LDLRAD2: variants seen among roughly 807,000 people sequenced by gnomAD.
LDLRAD2 encodes the protein low density lipoprotein receptor class A domain containing 2, also known as low-density lipoprotein receptor class A domain-containing protein 2.
A neutral mutation model predicts 24.9 loss-of-function variants in LDLRAD2; 25 were observed. The observed-to-expected ratio is 1.00, with a 90% CI of 0.73 to 1.40. The LOEUF is 1.40. Among genes scored for constraint, LDLRAD2 ranks in the 40% most tolerant of loss-of-function variants. The pLI is 0.00. For missense variants in LDLRAD2, 391 were observed against 366.2 expected (o/e 1.07, Z -0.55); for synonymous variants, 182 against 166.7 (o/e 1.09, Z -0.71).
At position 21,823,919 on chromosome 1, in the gene LDLRAD2, C is replaced by CA; in HGVS notation, c.*1705dup. On this transcript the variant is annotated 3_prime_UTR_variant, in exon 5 of 5. Transcript: ENST00000344642. Reference sequence around the variant, plus strand: ...TCATTTCTGCACCCAGGTTTCCTCCCACTCCTGGGGCACTCGCCTGCCCCC... The same window carrying CA: ...TCATTTCTGCACCCAGGTTTCCTCCCAACTCCTGGGGCACTCGCCTGCCCCC... 2.7e-6 allele frequency: 2 copies of CA among 728,476 alleles called. No homozygotes were observed. The highest frequency in any genetic ancestry group is 3.3e-5 in the South Asian group (2 of 61,318). The allele number at this position is 728,476 out of a possible 1,614,324, so 45.1% of individuals were successfully genotyped here.
Position 21,822,323 on chromosome 1 carries a change from C to T in LDLRAD2, c.*108C>T, listed in dbSNP as rs1015262929. The T allele has an allele frequency of 9.7e-6, 11 of 1,134,780 alleles. No homozygotes were observed. The highest frequency in any genetic ancestry group is 8.9e-5 in the South Asian group (7 of 78,780). The allele number at this position is 1,134,780 out of a possible 1,614,324, so 70.3% of individuals were successfully genotyped here. On this transcript the variant is annotated 3_prime_UTR_variant, in exon 5 of 5. Coordinates refer to ENST00000344642, the MANE Select transcript of LDLRAD2 (RefSeq NM_001013693.3). The stretch of plus-strand genomic sequence containing the variant: ...TCCCTTCTAGGACACAGAGGCCAGG[C>T]GTCCCAACCCCACAGTCTGGGGGCC...
chr1:21,824,825 CA>C lies in LDLRAD2; in HGVS notation c.*2614del. On this transcript the variant is annotated 3_prime_UTR_variant, in exon 5 of 5. Transcript: ENST00000344642. The surrounding 1 kb of genome is among the most constrained non-coding windows in gnomAD (Gnocchi z 5.9). ...GTGCCATACCTGCTGCATCAGGCATCAAAATCCCCCGTCAGTTCCCCTGACC... is the reference window on the plus strand; with the variant it reads ...GTGCCATACCTGCTGCATCAGGCATCAAATCCCCCGTCAGTTCCCCTGACC... 6.5e-7 allele frequency: 1 copy of C among 1,539,234 alleles called. No individual in the cohort carries two copies. Among genetic ancestry groups the C allele is most frequent in the Non-Finnish European group, 8.9e-7 (1 of 1,125,104 alleles).
intron 3 of LDLRAD2, 66 bp from the exon 4 acceptor site, chr1:21,821,384 A>G (rs1572116061): frequency 6.3e-7 from 1 of 1,593,662 alleles, no homozygotes; most frequent in East Asian, 2.2e-5. Context: ...TGAGGATTGA[A>G]TGAAACACAC....
intron 4 of LDLRAD2, 153 bp downstream of exon 4, chr1:21,821,764 C>CCTGGCCTCTG: frequency 1.4e-6 from 2 of 1,460,024 alleles, no homozygotes; most frequent in Non-Finnish European, 9.0e-7. Flanking sequence ...CCTCGATGCT[C>CCTGGCCTCTG]CTGGCCTCTG....
chr1:21,817,177 C>A (rs529092069), intron 3 of LDLRAD2, among the ~76,000 whole-genome samples: 3 of 152,304 alleles, frequency 2.0e-5, no homozygotes, highest in African/African-American at 7.2e-5. Context: ...TGACCCTTCT[C>A]ACACCTGCTC....
rs1291687013 is a variant in LDLRAD2 at position 21,822,651 on chromosome 1, C to G, written c.*436C>G. On this transcript the variant is annotated 3_prime_UTR_variant, in exon 5 of 5. Coordinates refer to ENST00000344642, the MANE Select transcript of LDLRAD2 (RefSeq NM_001013693.3). ...AGTTGGGGTGGGCCTTCCCTTACAG[C>G]CCCTGAGGGAGGGACCCCAGGCTGT... 5.4e-6 allele frequency: 1 copy of G among 185,994 alleles called. No individual in the cohort carries two copies. Among genetic ancestry groups the G allele is most frequent in the East Asian group, 1.4e-4 (1 of 6,936 alleles). The allele number at this position is 185,994 out of a possible 1,614,324, so 11.5% of individuals were successfully genotyped here.
At position 21,814,586 on chromosome 1, in the gene LDLRAD2, G is replaced by A; in HGVS notation, c.274G>A (p.Ala92Thr). The A allele has an allele frequency of 6.2e-7, 1 of 1,611,578 alleles. No homozygotes were observed. Among genetic ancestry groups the A allele is most frequent in the Non-Finnish European group, 8.5e-7 (1 of 1,179,220 alleles). The change falls in exon 2 of 5, where the codon GCG becomes ACG. Residue 92 changes from alanine to threonine, a missense_variant. Physicochemically the swap from Ala to Thr is moderately conservative, Grantham distance 58 (BLOSUM62 0). Coordinates refer to ENST00000344642, the MANE Select transcript of LDLRAD2 (RefSeq NM_001013693.3). ...CTTCCTGGTCTACAGCCTGACCCCC[G>A]CGCCCCCGGCGCTCAACACCTCCTC... ...RFFLVYSLTPAPPALNTSSPA... is the reference protein window; with the variant it reads ...RFFLVYSLTPTPPALNTSSPA...
chr1:21,823,842 CTCTT>C lies in LDLRAD2; in HGVS notation c.*1634_*1637del, dbSNP rs2097959578. ...CAGAAGTCTGTCCCTGTTTCCCAAG[CTCTT>C]TCTTTCCCCCGCTGAACGAGAGATC... On this transcript the variant is annotated 3_prime_UTR_variant, in exon 5 of 5. Coordinates refer to ENST00000344642, the MANE Select transcript of LDLRAD2 (RefSeq NM_001013693.3). 7.4e-6 allele frequency: 6 copies of C among 815,370 alleles called. No individual in the cohort carries two copies. The highest frequency in any genetic ancestry group is 4.0e-5 in the Admixed American group (2 of 50,098). The allele number at this position is 815,370 out of a possible 1,614,324, so 50.5% of individuals were successfully genotyped here.
chr1:21,822,392 A>T lies in LDLRAD2; in HGVS notation c.*177A>T. On this transcript the variant is annotated 3_prime_UTR_variant, in exon 5 of 5. Coordinates refer to ENST00000344642, the MANE Select transcript of LDLRAD2 (RefSeq NM_001013693.3). ...GAGCTGGATCTTCAGGCTCCTGCAG[A>T]TGGGGCAGGGTGGTCATATCCCCCT... 3.0e-6 allele frequency: 2 copies of T among 657,662 alleles called. No homozygotes were observed. Among genetic ancestry groups the T allele is most frequent in the Non-Finnish European group, 5.4e-6 (2 of 369,510 alleles). 40.7% of individuals were successfully genotyped at this position (657,662 alleles called of 1,614,324 possible).
At chr1:21,815,844 C>G in intron 2 of LDLRAD2, 99 bp from the exon 3 acceptor site, 4 of 1,466,232 alleles carry the variant, frequency 2.7e-6, no homozygotes, top group Non-Finnish European at 2.8e-6. Flanking sequence ...CAGCTCTCTC[C>G]TGCCCACACC....
rs2097951948 is a variant in LDLRAD2, at chr1:21,821,566, T to A, written c.760T>A (p.Ser254Thr). The A allele has an allele frequency of 6.2e-7, 1 of 1,614,020 alleles. No individual in the cohort carries two copies. Among genetic ancestry groups the A allele is most frequent in the Non-Finnish European group, 8.5e-7 (1 of 1,180,012 alleles). Residue 254 changes from serine to threonine, a missense_variant, in exon 4 of 5, where the codon TCC becomes ACC. Ser to Thr is a moderately conservative substitution (Grantham distance 58). Transcript: ENST00000344642. ...CCTCTGGATTGCAGCTGAGAGGAGT[T>A]CCCCAGCAGGCAGGGACCCCACGAG... Reference protein sequence around the residue: ...GSLWIAAERSSPAGRDPTRQD... With the variant: ...GSLWIAAERSTPAGRDPTRQD...
rs759726352 is a variant in LDLRAD2, at chr1:21,815,959, C to T, written c.528C>T (p.Tyr176=). 5.0e-6 allele frequency: 8 copies of T among 1,614,056 alleles called. No individual in the cohort carries two copies. The highest frequency in any genetic ancestry group is 2.2e-5 in the East Asian group (1 of 44,884). Residue 176 remains tyrosine (Y), a synonymous_variant, in exon 3 of 5, where the codon TAC becomes TAT. Transcript: ENST00000344642. ...TGGCCTCAGGACCTTGTGGTGCCTA[C>T]TTCCGCTGCCAGAATGGCAGGTGCA... ...TSFRLGPCGA[Y]FRCQNGRCIP...
chr1:21,821,363 G>A, intron 3 of LDLRAD2, 87 bp from the exon 4 acceptor site: 1 of 1,534,060 alleles, frequency 6.5e-7, no homozygotes, highest in Non-Finnish European at 8.9e-7. Context: ...GACAAACTCA[G>A]GGAAGTCTTG....
At chr1:21,822,066 C>T in intron 4 of LDLRAD2, 136 bp from the exon 5 acceptor site, 2 of 1,541,158 alleles carry the variant, frequency 1.3e-6, no homozygotes, top group South Asian at 1.2e-5. Context: ...CCCCCTAACC[C>T]TCTGAGACTC....
intron 1 of LDLRAD2, among the ~76,000 whole-genome samples, chr1:21,813,467 G>T (rs893018869): frequency 1.3e-5 from 2 of 152,056 alleles, no homozygotes; most frequent in Admixed American, 6.6e-5. Context: ...CCACATCCTG[G>T]CTGGTCCTCA....
Position 21,823,258 on chromosome 1 carries a change from T to C in LDLRAD2, c.*1043T>C. 7.4e-7 allele frequency: 1 copy of C among 1,351,136 alleles called. No individual in the cohort carries two copies. Among genetic ancestry groups the C allele is most frequent in the Non-Finnish European group, 9.8e-7 (1 of 1,016,712 alleles). The allele number at this position is 1,351,136 out of a possible 1,614,324, so 83.7% of individuals were successfully genotyped here. ...ATTCATAATAATATTAATAATAATA[T>C]ACTCGACATTGTCGGGCTGGGGCGT... On this transcript the variant is annotated 3_prime_UTR_variant, in exon 5 of 5. Coordinates refer to ENST00000344642, the MANE Select transcript of LDLRAD2 (RefSeq NM_001013693.3).
intron 4 of LDLRAD2, 171 bp downstream of exon 4, chr1:21,821,782 C>G (rs559233499): frequency 2.4e-5 from 34 of 1,439,496 alleles, no homozygotes; most frequent in Non-Finnish European, 3.0e-5. Context: ...CTGCTGGCCT[C>G]CTCCTGGGCC....
rs781620187 is a variant in LDLRAD2 at position 21,814,703 on chromosome 1, T to G, written c.391T>G (p.Cys131Gly). The G allele has an allele frequency of 7.7e-6, 12 of 1,567,286 alleles. No individual in the cohort carries two copies. The highest frequency in any genetic ancestry group is 1.9e-5 in the Admixed American group (1 of 52,400). ...GAPRPLGSPL[C>G]GLNIPVPVAS... ...GCCCCGGCCCCTGGGGTCCCCACTG[T>G]GCGGCCTGAACATCCCGGTGCCTGT... The change falls in exon 2 of 5, where the codon TGC becomes GGC. Residue 131 changes from cysteine (C) to glycine (G), a missense_variant. By Grantham distance (159) the Cys-to-Gly change is radical. Transcript: ENST00000344642.
Position 21,823,404 on chromosome 1 carries a change from G to C in LDLRAD2, c.*1189G>C. 1.3e-6 allele frequency: 2 copies of C among 1,573,930 alleles called. No individual in the cohort carries two copies. The highest frequency in any genetic ancestry group is 1.7e-6 in the Non-Finnish European group (2 of 1,164,746). ...TGGGGGCGGGGCGCCGGGTCGGGCC[G>C]AGTGCAGCACCAGGTTCTTGACACA... On this transcript the variant is annotated 3_prime_UTR_variant, in exon 5 of 5. Coordinates refer to ENST00000344642, the MANE Select transcript of LDLRAD2 (RefSeq NM_001013693.3).
Sources: allele counts gnomAD v4.1 joint callset (sites outside exome capture counted in the v4.1 genomes callset), GRCh38; gene constraint gnomAD v4.1.1; non-coding constraint Gnocchi (gnomAD v3.1); transcripts MANE v1.5; gene names NCBI Gene and HGNC (gene_info 2026-07-23, HGNC 2026-07-21).